RPN2: variants seen among roughly 807,000 people sequenced by gnomAD.
RPN2 encodes ribophorin II.
A neutral mutation model predicts 71.4 loss-of-function variants in RPN2; 29 were observed. The ratio of observed to expected loss-of-function variants is 0.41; its 90% confidence interval spans 0.30 to 0.55. The LOEUF (loss-of-function observed/expected upper bound fraction) is 0.55. RPN2 is among the 20% of genes least tolerant of loss of function. RPN2 has a pLI of 0.35. For synonymous variants in RPN2, 308 were observed against 305.0 expected (o/e 1.01, Z -0.10); for missense variants, 726 against 774.1 (o/e 0.94, Z 0.74).
intron 15 of RPN2, 116 bp downstream of exon 15, chr20:37,234,211 C>T: frequency 1.0e-5 from 10 of 1,004,276 alleles, no homozygotes; most frequent in Non-Finnish European, 1.5e-5. Flanking sequence ...AATAGCATTA[C>T]ATTTCCCTCT....
At chr20:37,217,170 G>C (rs2067830570) in intron 9 of RPN2, among the ~76,000 whole-genome samples, 1 of 151,520 alleles carries the variant, frequency 6.6e-6, no homozygotes, top group Non-Finnish European at 1.5e-5. Context: ...GGGCTCAAGC[G>C]ATCTGCCCAC....
At chr20:37,191,744 G>A (rs1047138273) in intron 2 of RPN2, among the ~76,000 whole-genome samples, 1 of 151,894 alleles carries the variant, frequency 6.6e-6, no homozygotes, top group Non-Finnish European at 1.5e-5. Context: ...ACATAAGCAT[G>A]TCAGAAAGGT....
chr20:37,219,099 A>G (rs1224075680), intron 9 of RPN2, among the ~76,000 whole-genome samples: 1 of 152,190 alleles, frequency 6.6e-6, no homozygotes, highest in Non-Finnish European at 1.5e-5. Flanking sequence ...GAAACTAACA[A>G]GTTTTCAAAG....
chr20:37,214,473 C>G (rs1463088939), intron 9 of RPN2, among the ~76,000 whole-genome samples: 2 of 152,118 alleles, frequency 1.3e-5, no homozygotes, highest in Non-Finnish European at 2.9e-5. Context: ...GAAATTTACC[C>G]CATCTGGCAT....
At chr20:37,227,334 A>G (rs1379624631) in intron 11 of RPN2, among the ~76,000 whole-genome samples, 1 of 152,246 alleles carries the variant, frequency 6.6e-6, no homozygotes, top group Non-Finnish European at 1.5e-5. Context: ...TGTAACTTTC[A>G]CTGAATACTT....
chr20:37,230,608 C>CCTCAGTT (rs2068214519), intron 13 of RPN2, among the ~76,000 whole-genome samples: 1 of 152,128 alleles, frequency 6.6e-6, no homozygotes, highest in Non-Finnish European at 1.5e-5. Context: ...ACTTTGGATA[C>CCTCAGTT]TGGTTAAGGA....
intron 2 of RPN2, among the ~76,000 whole-genome samples, chr20:37,196,248 A>G (rs1171347691): frequency 7.2e-6 from 1 of 139,438 alleles, no homozygotes; most frequent in African/African-American, 2.7e-5. Context: ...TTTTTTTTTG[A>G]GACGGAGTCT....
chr20:37,228,097 T>C (rs1323683132), intron 11 of RPN2, among the ~76,000 whole-genome samples: 1 of 152,096 alleles, frequency 6.6e-6, no homozygotes, highest in Non-Finnish European at 1.5e-5. Flanking sequence ...TTACCATCAA[T>C]ACCCAAGCCT....
chr20:37,198,299 C>T lies in RPN2; in HGVS notation c.208-98C>T, dbSNP rs1363486180. ...AATTCATGTAGCTCATTCCTTAAGCCATCTATAATGGCTGAGAATGTTATC... is the reference window on the plus strand; with the variant it reads ...AATTCATGTAGCTCATTCCTTAAGCTATCTATAATGGCTGAGAATGTTATC... On this transcript the variant is annotated intron_variant, in intron 2 of 16. Coordinates refer to ENST00000237530, the MANE Select transcript of RPN2 (RefSeq NM_002951.5). The T allele has an allele frequency of 4.4e-6, 7 of 1,601,440 alleles. No individual in the cohort carries two copies. In the South Asian group the frequency reaches 5.6e-5, roughly 13 times the overall value.
intron 1 of RPN2, chr20:37,179,667 T>G: frequency 2.3e-6 from 1 of 438,234 alleles, no homozygotes; most frequent in East Asian, 4.8e-5. Flanking sequence ...CCTCATTCAT[T>G]TCACTCGCGC....
intron 2 of RPN2, among the ~76,000 whole-genome samples, chr20:37,193,382 G>A (rs184596528): frequency 2.0e-5 from 3 of 152,308 alleles, no homozygotes; most frequent in Admixed American, 1.3e-4. Flanking sequence ...CAGCCTGTGC[G>A]GAGGATAGAG....
intron 6 of RPN2, among the ~76,000 whole-genome samples, chr20:37,206,442 C>G (rs1034214226): frequency 3.3e-5 from 5 of 152,070 alleles, no homozygotes; most frequent in Non-Finnish European, 7.4e-5. Context: ...ACAAACAGTC[C>G]TACATTTGAA....
At chr20:37,181,112 C>T (rs1291871438) in intron 1 of RPN2, among the ~76,000 whole-genome samples, 1 of 152,196 alleles carries the variant, frequency 6.6e-6, no homozygotes, top group African/African-American at 2.4e-5. Context: ...GCCTGTAGTC[C>T]TAGCTACTTG....
chr20:37,181,647 G>A (rs1308394290), intron 1 of RPN2, among the ~76,000 whole-genome samples: 3 of 152,022 alleles, frequency 2.0e-5, no homozygotes, highest in Non-Finnish European at 4.4e-5. Flanking sequence ...TTGAACTCCC[G>A]ACCTCAGGTG....
chr20:37,200,379 T>G (rs2067357495), intron 4 of RPN2: 1 of 497,424 alleles, frequency 2.0e-6, no homozygotes, highest in Admixed American at 2.2e-5. Flanking sequence ...ACACTTAAAC[T>G]GCTCCTTTAA....
intron 2 of RPN2, among the ~76,000 whole-genome samples, chr20:37,195,231 C>T (rs2067229421): frequency 1.3e-5 from 2 of 152,196 alleles, no homozygotes; most frequent in African/African-American, 2.4e-5. Flanking sequence ...GCTCACTGAG[C>T]AGGCTGAGCA....
At chr20:37,232,525 T>C (rs2068281524) in intron 14 of RPN2, 134 bp downstream of exon 14, 4 of 1,090,718 alleles carry the variant, frequency 3.7e-6, no homozygotes, top group Non-Finnish European at 5.6e-6. Context: ...CCTGAATTGA[T>C]GCTCAAGACA....
chr20:37,233,999 T>G (rs1380185686), intron 14 of RPN2, 21 bp from the exon 15 acceptor site: 1 of 1,613,940 alleles, frequency 6.2e-7, no homozygotes, highest in South Asian at 1.1e-5. Context: ...CCTTTTTAAT[T>G]TATTTCTCCC....
At chr20:37,191,579 A>G (rs1270265688) in intron 2 of RPN2, among the ~76,000 whole-genome samples, 1 of 151,568 alleles carries the variant, frequency 6.6e-6, no homozygotes, top group Non-Finnish European at 1.5e-5. Context: ...CATCCTGGCT[A>G]ATACAGTGAA....
Sources: gnomAD v4.1 joint callset for allele counts (sites outside exome capture counted in the v4.1 genomes callset) on GRCh38, gnomAD v4.1.1 for gene constraint, MANE v1.5 for transcripts, NCBI Gene and HGNC (gene_info 2026-07-23, HGNC 2026-07-21) for gene names.